The following CLK1 variants were observed in gnomAD, a reference collection of about 807,000 sequenced individuals.
The protein encoded by CLK1 is dual specificity protein kinase CLK1.
In CLK1, 40 loss-of-function variants were observed where a neutral mutation model predicts 60.9. That is an observed-to-expected ratio of 0.66 (90% CI 0.51 to 0.86). The LOEUF is 0.86. Among genes scored for constraint, CLK1 ranks in the 40% least tolerant of loss-of-function variants. CLK1 has a pLI of 0.00. For synonymous variants in CLK1, 203 were observed against 184.4 expected (o/e 1.10, Z -0.82); for missense variants, 563 against 606.1 (o/e 0.93, Z 0.75).
At chr2:200,860,388 A>C in intron 3 of CLK1, 173 bp from the exon 4 acceptor site, 1 of 1,383,854 alleles carries the variant, frequency 7.2e-7, no homozygotes, top group Non-Finnish European at 9.4e-7. Context: ...AGAAATTCAC[A>C]GGGCACATAG....
intron 9 of CLK1, among the ~76,000 whole-genome samples, chr2:200,855,297 G>A (rs979688871): frequency 6.6e-5 from 10 of 151,680 alleles, no homozygotes; most frequent in East Asian, 3.9e-4. Flanking sequence ...GCAACACAGC[G>A]AGATCCCACC....
chr2:200,859,938 G>T, intron 4 of CLK1, 187 bp downstream of exon 4: 1 of 1,430,774 alleles, frequency 7.0e-7, no homozygotes, highest in Non-Finnish European at 9.1e-7. Context: ...TGTTCTGGAA[G>T]TTCTATATAA....
chr2:200,856,184 C>T (rs558705583), intron 9 of CLK1, among the ~76,000 whole-genome samples: 64 of 151,934 alleles, frequency 4.2e-4, no homozygotes, highest in African/African-American at 1.5e-3. Context: ...AGCAATTCTG[C>T]CTCAGCCTCC....
intron 9 of CLK1, 146 bp downstream of exon 9, chr2:200,856,536 G>A: frequency 3.4e-6 from 2 of 593,610 alleles, no homozygotes; most frequent in Non-Finnish European, 5.7e-6. Context: ...GTACAATTGA[G>A]AGCTTAAAAT....
rs879024070 is a variant in CLK1 at position 200,854,091 on chromosome 2, A to G, written c.1221-98T>C. On this transcript the variant is annotated intron_variant, in intron 11 of 12. Transcript: ENST00000321356. ...CTATGCTTTCCCAGATCACTTTTCT[A>G]GAGATTTAAATGGCAGCCATGGGAT... 28 of 742,078 alleles carry G rather than the reference A, an allele frequency of 3.8e-5. No individual in the cohort carries two copies. The South Asian group carries it at 4.5e-4, about 12-fold the overall frequency. 46.0% of individuals were successfully genotyped at this position (742,078 alleles called of 1,614,324 possible).
At chr2:200,855,932 C>G (rs2039033051) in intron 9 of CLK1, among the ~76,000 whole-genome samples, 1 of 150,672 alleles carries the variant, frequency 6.6e-6, no homozygotes, top group African/African-American at 2.4e-5. Context: ...TTGCTTGAAC[C>G]CAGGAGGCAG....
intron 1 of CLK1, among the ~76,000 whole-genome samples, chr2:200,862,813 T>C (rs2039162979): frequency 6.6e-6 from 1 of 151,964 alleles, no homozygotes; most frequent in Non-Finnish European, 1.5e-5. Flanking sequence ...GCTGACAGAA[T>C]CATCATTACA....
chr2:200,860,584 G>A (rs956073951), intron 3 of CLK1: 6 of 1,006,980 alleles, frequency 6.0e-6, no homozygotes, highest in Non-Finnish European at 7.1e-6. Flanking sequence ...ATCGTATGAT[G>A]TAATATTTAC....
intron 7 of CLK1, chr2:200,857,439 C>T (rs571747677): frequency 1.7e-5 from 5 of 301,316 alleles, no homozygotes; most frequent in South Asian, 7.1e-5. Flanking sequence ...AGATATATCA[C>T]GCCTTAATTT....
At chr2:200,862,270 CA>C (rs1289098986) in intron 1 of CLK1, among the ~76,000 whole-genome samples, 8 of 152,190 alleles carry the variant, frequency 5.3e-5, no homozygotes, top group Admixed American at 5.2e-4. Context: ...TGCACGTATA[CA>C]TCCAGATGGC....
At chr2:200,853,775 G>C (rs1327953247) in intron 12 of CLK1, 128 bp downstream of exon 12, 1 of 590,228 alleles carries the variant, frequency 1.7e-6, no homozygotes, top group Non-Finnish European at 2.8e-6. Context: ...AGGATGCAGA[G>C]GTTGCAGTGA....
At position 200,855,730 on chromosome 2, in the gene CLK1, C is replaced by T. The variant is rs556123805; in HGVS notation, c.1058-644G>A. On this transcript the variant is annotated intron_variant, in intron 9 of 12. Coordinates refer to ENST00000321356, the MANE Select transcript of CLK1 (RefSeq NM_004071.4). ...CAAGGTTAAATACAATATATATGGCCGGGCGCAGTGGCTTATGCCTGTAAT... is the reference window on the plus strand; with the variant it reads ...CAAGGTTAAATACAATATATATGGCTGGGCGCAGTGGCTTATGCCTGTAAT... Among the ~76,000 whole-genome samples the T allele has an allele frequency of 2.9e-3, 434 of 151,588 alleles. 3 individuals are homozygous for T. The highest frequency in any genetic ancestry group is 0.01 in the African/African-American group (424 of 41,334).
Position 200,856,914 on chromosome 2 carries a change from TG to T in CLK1, c.903del (p.Tyr301Ter). The T allele has an allele frequency of 6.2e-7, 1 of 1,614,184 alleles. No homozygotes were observed. ...ACTATTTTGGGATTATACGCCTCTG[TG>T]TAGTCAGACTGCACAAATAAGATGT... is the stretch of plus-strand genomic sequence containing the variant. ...PENILFVQSD[Y>X]TEAYNPKIKR... On this transcript the variant is annotated frameshift_variant, in exon 8 of 13. Coordinates refer to ENST00000321356, the MANE Select transcript of CLK1 (RefSeq NM_004071.4). LOFTEE classifies it high-confidence loss of function.
rs948801882 is a variant in CLK1 at position 200,854,471 on chromosome 2, G to C, written c.1220+145C>G. The C allele has an allele frequency of 5.0e-5, 28 of 555,164 alleles. 1 individual carries two copies. The South Asian group carries it at 5.5e-4, about 11-fold the overall frequency. 34.4% of individuals were successfully genotyped at this position (555,164 alleles called of 1,614,324 possible). Reference sequence around the variant, plus strand: ...AAATGGCGTGAACCCAGGAGGGAGAGCTTGCATTGAGCCGAGGTCACGCCA... The same window carrying C: ...AAATGGCGTGAACCCAGGAGGGAGACCTTGCATTGAGCCGAGGTCACGCCA... On this transcript the variant is annotated intron_variant, in intron 11 of 12. Transcript: ENST00000321356.
At chr2:200,856,588 G>C in intron 9 of CLK1, 94 bp downstream of exon 9, 1 of 1,004,274 alleles carries the variant, frequency 1.0e-6, no homozygotes, top group Non-Finnish European at 1.5e-6. Flanking sequence ...AAGAGAATAT[G>C]ATAAAGCCCC....
chr2:200,863,805 G>A (rs995502507), intron 1 of CLK1, among the ~76,000 whole-genome samples: 9 of 152,052 alleles, frequency 5.9e-5, no homozygotes, highest in Non-Finnish European at 1.2e-4. Flanking sequence ...AGTGACTCGA[G>A]ATCGCGCCAC....
intron 1 of CLK1, chr2:200,864,085 C>G: frequency 1.3e-6 from 2 of 1,546,554 alleles, no homozygotes; most frequent in Non-Finnish European, 8.7e-7. Flanking sequence ...CGGGTTCCGT[C>G]TCTTTCTCCA....
chr2:200,859,985 C>T (rs1346741669), intron 4 of CLK1, 140 bp downstream of exon 4: 2 of 1,427,624 alleles, frequency 1.4e-6, no homozygotes, highest in Admixed American at 2.9e-5. Flanking sequence ...AAAATACAAT[C>T]CCCCCCACCA....
intron 9 of CLK1, 78 bp from the exon 10 acceptor site, chr2:200,855,164 T>C (rs538747170): frequency 1.8e-5 from 20 of 1,081,390 alleles, no homozygotes; most frequent in East Asian, 5.1e-5. Flanking sequence ...TTAACACTAA[T>C]ACTTTAAAAA....
Sources: allele counts gnomAD v4.1 joint callset (sites outside exome capture counted in the v4.1 genomes callset), GRCh38; gene constraint gnomAD v4.1.1; transcripts MANE v1.5; gene names NCBI Gene and HGNC (gene_info 2026-07-23, HGNC 2026-07-21).